The following KLF12 variants were observed in gnomAD, a reference collection of about 807,000 sequenced individuals.
KLF12 encodes the protein KLF transcription factor 12.
In KLF12, 9 loss-of-function variants were observed where a neutral mutation model predicts 37.8. The ratio of observed to expected loss-of-function variants is 0.24; its 90% CI spans 0.14 to 0.42. KLF12 has a LOEUF of 0.42. KLF12 is among the 10% of genes least tolerant of loss of function. KLF12 has a pLI of 1.00. For synonymous variants in KLF12, 208 were observed against 202.1 expected, an observed-to-expected ratio of 1.03 and a Z score of -0.25; for missense variants, 411 against 516.0, an observed-to-expected ratio of 0.80 and a Z score of 1.97.
chr13:73,799,583 A>G (rs1013009998), intron 5 of KLF12, among the ~76,000 whole-genome samples: 1 of 152,206 alleles, frequency 6.6e-6, no homozygotes, highest in Non-Finnish European at 1.5e-5. Context: ...CTTAACTTGG[A>G]TAATAAGTCT....
intron 6 of KLF12, among the ~76,000 whole-genome samples, chr13:73,736,578 T>C (rs3812850): frequency 0.16 from 24,561 of 152,142 alleles, 2,296 homozygotes; most frequent in African/African-American, 0.26. Context: ...AAGATCATAT[T>C]GTCAAGCAGG....
At chr13:73,867,652 A>T (rs1466557532) in intron 3 of KLF12, among the ~76,000 whole-genome samples, 1 of 152,124 alleles carries the variant, frequency 6.6e-6, no homozygotes, top group Non-Finnish European at 1.5e-5. Context: ...AGAACAACGT[A>T]CCTGATATCT....
Position 74,051,341 on chromosome 13 carries a change from A to AACACACACACACACACAC in KLF12, c.-31-56306_-31-56289dup, listed in dbSNP as rs10678885. Among the ~76,000 whole-genome samples the AACACACACACACACACAC allele has an allele frequency of 2.8e-4, 40 of 143,774 alleles. 1 individual carries two copies. The highest frequency in any genetic ancestry group is 4.2e-4 in the East Asian group (2 of 4,802). 94.3% of individuals were successfully genotyped at this position (143,774 alleles called of 152,430 possible). A position where few individuals can be genotyped will look rare whatever the true frequency, so the allele number is the denominator to read the frequency against. The stretch of plus-strand genomic sequence containing the variant: ...TGGTGTGTGTATACATACACACACA[A>AACACACACACACACACAC]ACACACACACACACACACACACACA... On this transcript the variant is annotated intron_variant, in intron 1 of 7. Transcript: ENST00000377669.
intron 5 of KLF12, among the ~76,000 whole-genome samples, chr13:73,812,264 C>A (rs1165932245): frequency 7.2e-5 from 11 of 151,822 alleles, no homozygotes; most frequent in Non-Finnish European, 1.5e-4. Context: ...TCAAAGGGTA[C>A]AAATTTGCAG....
intron 7 of KLF12, among the ~76,000 whole-genome samples, chr13:73,702,788 A>C (rs1208828846): frequency 6.6e-6 from 1 of 152,214 alleles, no homozygotes; most frequent in Admixed American, 6.5e-5. Flanking sequence ...GAGGAAAAAA[A>C]CAAGAATCAA....
the KLF12 span, among the ~76,000 whole-genome samples, chr13:74,190,501 G>A: frequency 6.6e-6 from 1 of 152,070 alleles, no homozygotes; most frequent in Non-Finnish European, 1.5e-5. Context: ...GAATGGGACT[G>A]GTTTCTGAGC....
the KLF12 span, among the ~76,000 whole-genome samples, chr13:74,278,684 TGCC>T: frequency 2.0e-5 from 3 of 152,202 alleles, no homozygotes; most frequent in Non-Finnish European, 4.4e-5. Context: ...CTCCACCCGC[TGCC>T]TTTTCTCACC....
chr13:73,924,766 C>CA (rs1391509633), intron 3 of KLF12, among the ~76,000 whole-genome samples: 2 of 152,100 alleles, frequency 1.3e-5, no homozygotes, highest in African/African-American at 4.8e-5. Flanking sequence ...CCTCTTAAAC[C>CA]AAATAGCCAC....
At position 73,774,308 on chromosome 13, in the gene KLF12, A is replaced by C. The variant is rs986736701; in HGVS notation, c.807-9308T>G. On this transcript the variant is annotated intron_variant, in intron 5 of 7. Transcript: ENST00000377669. The stretch of plus-strand genomic sequence containing the variant: ...TACACACACACACACACACATCTAT[A>C]TATATATATATATAGATTATACATT... Among the ~76,000 whole-genome samples, 38 of 151,442 alleles carry C rather than the reference A, an allele frequency of 2.5e-4. No homozygotes were observed. In the South Asian group the frequency reaches 3.3e-3, roughly 13 times the overall value.
chr13:73,920,413 C>A (rs1889058169), intron 3 of KLF12, among the ~76,000 whole-genome samples: 1 of 151,868 alleles, frequency 6.6e-6, no homozygotes, highest in Non-Finnish European at 1.5e-5. Flanking sequence ...AAGAAAATAC[C>A]AGCCCAGTAT....
intron 1 of KLF12, among the ~76,000 whole-genome samples, chr13:74,122,230 C>T (rs976749666): frequency 3.3e-5 from 5 of 151,974 alleles, no homozygotes; most frequent in African/African-American, 1.2e-4. Context: ...TGAATTCCCA[C>T]AAAAGGACAA....
chr13:73,836,823 T>C (rs1192807418), intron 4 of KLF12, among the ~76,000 whole-genome samples: 1 of 152,214 alleles, frequency 6.6e-6, no homozygotes, highest in Non-Finnish European at 1.5e-5. Flanking sequence ...ATATGTAGAT[T>C]ACATTAGAAT....
At chr13:74,207,864 A>G in the KLF12 span, among the ~76,000 whole-genome samples, 1 of 152,124 alleles carries the variant, frequency 6.6e-6, no homozygotes, top group Non-Finnish European at 1.5e-5. Context: ...TTACCACCTG[A>G]GCCTACGGTG....
chr13:73,813,106 G>T, intron 5 of KLF12, 46 bp downstream of exon 5: 4 of 1,602,176 alleles, frequency 2.5e-6, no homozygotes, highest in Non-Finnish European at 3.4e-6. Context: ...ATTATCCATT[G>T]AACACCTTGG....
the KLF12 span, among the ~76,000 whole-genome samples, chr13:74,301,534 CA>C: frequency 2.6e-5 from 4 of 152,086 alleles, no homozygotes. Context: ...TTTTTAGAGG[CA>C]AGTGATGAAA....
intron 6 of KLF12, among the ~76,000 whole-genome samples, chr13:73,761,772 A>C (rs1001723404): frequency 1.3e-5 from 2 of 152,192 alleles, no homozygotes; most frequent in Non-Finnish European, 2.9e-5. Context: ...AATAAACCTA[A>C]GATGGGTAGA....
intron 5 of KLF12, among the ~76,000 whole-genome samples, chr13:73,780,918 A>G (rs1247478462): frequency 4.6e-5 from 7 of 152,260 alleles, no homozygotes; most frequent in African/African-American, 9.6e-5. Flanking sequence ...TCCAATTTCA[A>G]AAGAAGTTCT....
intron 5 of KLF12, among the ~76,000 whole-genome samples, chr13:73,798,768 C>T (rs1353903723): frequency 6.6e-6 from 1 of 152,094 alleles, no homozygotes; most frequent in Non-Finnish European, 1.5e-5. Context: ...AAAACAGATG[C>T]TGGTGAGTTT....
At chr13:73,930,666 A>T (rs1889624771) in intron 3 of KLF12, among the ~76,000 whole-genome samples, 2 of 152,182 alleles carry the variant, frequency 1.3e-5, no homozygotes, top group Admixed American at 6.5e-5. Context: ...AGAATTAAAC[A>T]CATCTATTTT....
Sources: allele counts gnomAD v4.1 joint callset (sites outside exome capture counted in the v4.1 genomes callset), GRCh38; gene constraint gnomAD v4.1.1; transcripts MANE v1.5; gene names NCBI Gene and HGNC (gene_info 2026-07-23, HGNC 2026-07-21).